The following TM2D2 variants were observed in gnomAD, a reference collection of about 807,000 sequenced individuals.
The protein encoded by TM2D2 is TM2 domain-containing protein 2.
TM2D2 carries 19 observed loss-of-function variants against 23.0 expected under a neutral mutation model. That is an observed-to-expected ratio of 0.82 (90% CI 0.58 to 1.21). TM2D2 has a LOEUF of 1.21. TM2D2 is among the 50% of genes most tolerant of loss of function. The pLI is 0.00. For missense variants in TM2D2, 246 were observed against 265.4 expected (o/e 0.93, Z 0.51); for synonymous variants, 120 against 108.8 (o/e 1.10, Z -0.64).
In TM2D2 at chr8:38,989,008, T is replaced by C. The variant is rs1477711513; in HGVS notation, c.*2324A>G. ...CTGAATAAAGTGCAAAGGCAATCAA[T>C]TGTTAAATAGTACTCCTTTAGTCCA... On this transcript the variant is annotated 3_prime_UTR_variant, in exon 4 of 4. Transcript: ENST00000456397. 6.6e-6 allele frequency: 1 copy of C among 152,234 alleles called. No homozygotes were observed. Among genetic ancestry groups the C allele is most frequent in the East Asian group, 1.9e-4 (1 of 5,196 alleles). The allele number at this position is 152,234 out of a possible 1,614,324, so 9.4% of individuals were successfully genotyped here.
In TM2D2 at chr8:38,996,274, C is replaced by T. The variant is rs749026816; in HGVS notation, c.166G>A (p.Gly56Arg). The change falls in exon 1 of 4, where the codon GGG becomes AGG. Residue 56 changes from glycine to arginine, a missense_variant. Physicochemically the swap from Gly to Arg is moderately radical, Grantham distance 125 (BLOSUM62 -2). Transcript: ENST00000456397. ...SAGAAQPEGPGGAASWEYGDP... is the reference protein window; with the variant it reads ...SAGAAQPEGPRGAASWEYGDP... ...CCATATTCCCAGCTCGCAGCACCCC[C>T]GGGGCCCTCCGGCTGGGCGGCGCCA... 5 of 1,613,920 alleles carry T rather than the reference C, an allele frequency of 3.1e-6. No individual in the cohort carries two copies. The highest frequency in any genetic ancestry group is 2.2e-5 in the East Asian group (1 of 44,904).
rs2129429813 is a variant in TM2D2 at position 38,996,275 on chromosome 8, G to A, written c.165C>T (p.Pro55=). ...CATATTCCCAGCTCGCAGCACCCCC[G>A]GGGCCCTCCGGCTGGGCGGCGCCAG... ...TSAGAAQPEG[P]GGAASWEYGD... is the part of the protein sequence containing the mutation. Residue 55 remains proline, a synonymous_variant, in exon 1 of 4, where the codon CCC becomes CCT. Transcript: ENST00000456397. 6 of 1,614,022 alleles carry A rather than the reference G, an allele frequency of 3.7e-6. No individual in the cohort carries two copies. The highest frequency in any genetic ancestry group is 4.2e-6 in the Non-Finnish European group (5 of 1,179,992).
chr8:38,996,538 G>A, upstream of TM2D2: 6 of 1,509,154 alleles, frequency 4.0e-6, no homozygotes, highest in Admixed American at 2.2e-5. Context: ...GCGTAGCCCC[G>A]CCCGCGTAGC....
In TM2D2 at chr8:38,989,765, T is replaced by G. The variant is rs2129428293; in HGVS notation, c.*1567A>C. ...ATATTATAATTTATGTTTTTTAGAC[T>G]TCCCTTAGAAATTTTTTTAAAATAT... On this transcript the variant is annotated 3_prime_UTR_variant, in exon 4 of 4. Coordinates refer to ENST00000456397, the MANE Select transcript of TM2D2 (RefSeq NM_078473.3). The G allele has an allele frequency of 6.6e-6, 1 of 152,322 alleles. No individual in the cohort carries two copies. The highest frequency in any genetic ancestry group is 2.4e-5 in the African/African-American group (1 of 41,568). 9.4% of individuals were successfully genotyped at this position (152,322 alleles called of 1,614,324 possible). A position where few individuals can be genotyped will look rare whatever the true frequency, so the allele number is the denominator to read the frequency against.
chr8:38,991,635 G>T, intron 3 of TM2D2, 90 bp from the exon 4 acceptor site: 1 of 958,574 alleles, frequency 1.0e-6, no homozygotes, highest in Non-Finnish European at 1.6e-6. Context: ...TGATGAGACA[G>T]TGCAGTGGAC....
At position 38,996,289 on chromosome 8, in the gene TM2D2, GGGCGGCGCCA is replaced by G. The variant is rs1442917159; in HGVS notation, c.141_150del (p.Gly48SerfsTer31). ...GCAGCACCCCCGGGGCCCTCCGGCT[GGGCGGCGCCA>G]GCGGATGTGAGCTCAGGCTCAGCGG... On this transcript the variant is annotated frameshift_variant, in exon 1 of 4. Coordinates refer to ENST00000456397, the MANE Select transcript of TM2D2 (RefSeq NM_078473.3). LOFTEE classifies it high-confidence loss of function. 3 of 1,613,916 alleles carry G rather than the reference GGGCGGCGCCA, an allele frequency of 1.9e-6. No homozygotes were observed. The highest frequency in any genetic ancestry group is 2.5e-6 in the Non-Finnish European group (3 of 1,180,016).
chr8:38,995,896 G>A (rs1835761662), intron 1 of TM2D2: 3 of 850,738 alleles, frequency 3.5e-6, no homozygotes, highest in African/African-American at 3.5e-5. Flanking sequence ...GCACCGAATC[G>A]ACCGACTAAT....
intron 2 of TM2D2, 159 bp from the exon 3 acceptor site, chr8:38,993,819 A>T (rs888988074): frequency 3.6e-5 from 18 of 500,214 alleles, no homozygotes; most frequent in Non-Finnish European, 6.6e-5. Flanking sequence ...GAATTTAGTG[A>T]CACACTTCTG....
At position 38,993,696 on chromosome 8, in the gene TM2D2, C is replaced by G. The variant is rs778307612; in HGVS notation, c.316-36G>C. On this transcript the variant is annotated intron_variant, in intron 2 of 3. Coordinates refer to ENST00000456397, the MANE Select transcript of TM2D2 (RefSeq NM_078473.3). Reference sequence around the variant, plus strand: ...ACAACCAAGACCAAAACCAACTCACCAGAGCAAGTGACACAAACATCTATC... The same window carrying G: ...ACAACCAAGACCAAAACCAACTCACGAGAGCAAGTGACACAAACATCTATC... 7.4e-6 allele frequency: 11 copies of G among 1,479,760 alleles called. 1 individual carries two copies. In the Middle Eastern group the frequency reaches 1.9e-3, roughly 256 times the overall value. 91.7% of individuals were successfully genotyped at this position (1,479,760 alleles called of 1,614,324 possible).
chr8:38,996,901 G>T (rs763640656), upstream of TM2D2: 2 of 1,455,210 alleles, frequency 1.4e-6, no homozygotes, highest in South Asian at 2.5e-5. Flanking sequence ...CGGACCGAGG[G>T]CTCAGTTGCG....
upstream of TM2D2, chr8:38,996,568 A>G: frequency 6.8e-7 from 1 of 1,478,818 alleles, no homozygotes; most frequent in Admixed American, 2.4e-5. Context: ...CAGCCAATGG[A>G]CGCGCAGCTC....
chr8:38,996,972 C>A, upstream of TM2D2: 1 of 1,522,172 alleles, frequency 6.6e-7, no homozygotes, highest in East Asian at 2.4e-5. Context: ...GCTTCCCGGC[C>A]AGACTTGGGG....
At chr8:38,993,726 T>C (rs1835674261) in intron 2 of TM2D2, 66 bp from the exon 3 acceptor site, 2 of 1,148,854 alleles carry the variant, frequency 1.7e-6, no homozygotes, top group Non-Finnish European at 2.6e-6. Context: ...TCTATCTTTA[T>C]ATTCACTAAT....
chr8:38,996,549 C>T, upstream of TM2D2: 3 of 1,502,266 alleles, frequency 2.0e-6, no homozygotes, highest in South Asian at 2.6e-5. Context: ...CCCGCGTAGC[C>T]CCGCCAAACA....
chr8:38,996,674 G>C (rs1357698124), upstream of TM2D2: 51 of 1,426,686 alleles, frequency 3.6e-5, no homozygotes, highest in Non-Finnish European at 4.6e-5. Context: ...TCCTCTTCTG[G>C]GTCTCATGCT....
At chr8:38,991,631 G>C in intron 3 of TM2D2, 86 bp from the exon 4 acceptor site, 1 of 1,024,218 alleles carries the variant, frequency 9.8e-7, no homozygotes, top group South Asian at 1.4e-5. Flanking sequence ...TAAGTGATGA[G>C]ACAGTGCAGT....
Position 38,991,254 on chromosome 8 carries a change from AG to A in TM2D2, c.*77del. On this transcript the variant is annotated 3_prime_UTR_variant, in exon 4 of 4. Coordinates refer to ENST00000456397, the MANE Select transcript of TM2D2 (RefSeq NM_078473.3). ...AATAACATCAGGTCTGATATCAAAG[AG>A]GAGTTTTGAGCCTGTAGAGATGAAT... The A allele has an allele frequency of 8.5e-7, 1 of 1,170,730 alleles. No homozygotes were observed. Among genetic ancestry groups the A allele is most frequent in the South Asian group, 1.3e-5 (1 of 75,840 alleles). The allele number at this position is 1,170,730 out of a possible 1,614,324, so 72.5% of individuals were successfully genotyped here.
Position 38,990,322 on chromosome 8 carries a change from A to C in TM2D2, c.*1010T>G, listed in dbSNP as rs1213888394. 3.9e-5 allele frequency: 6 copies of C among 152,238 alleles called. No homozygotes were observed. Among genetic ancestry groups the C allele is most frequent in the Non-Finnish European group, 1.5e-5 (1 of 68,042 alleles). 9.4% of individuals were successfully genotyped at this position (152,238 alleles called of 1,614,324 possible). On this transcript the variant is annotated 3_prime_UTR_variant, in exon 4 of 4. Coordinates refer to ENST00000456397, the MANE Select transcript of TM2D2 (RefSeq NM_078473.3). ...TAAAGCCTCTTCCATTGACTTGGCC[A>C]CATTGCCCACCTTTGATTTTATATT...
chr8:38,990,464 A>G lies in TM2D2; in HGVS notation c.*868T>C, dbSNP rs1372678396. ...CGGGGAATGCAGAGGTGTGGCTGTT[A>G]TCTCTTTCTGACTGCTGCAGCCCAC... On this transcript the variant is annotated 3_prime_UTR_variant, in exon 4 of 4. Transcript: ENST00000456397. 6.6e-6 allele frequency: 1 copy of G among 152,236 alleles called. No individual in the cohort carries two copies. Among genetic ancestry groups the G allele is most frequent in the Admixed American group, 6.5e-5 (1 of 15,290 alleles). The allele number at this position is 152,236 out of a possible 1,614,324, so 9.4% of individuals were successfully genotyped here. A position where few individuals can be genotyped will look rare whatever the true frequency, so the allele number is the denominator to read the frequency against.
Sources: gnomAD v4.1 joint callset for allele counts on GRCh38, gnomAD v4.1.1 for gene constraint, MANE v1.5 for transcripts, NCBI Gene and HGNC (gene_info 2026-07-23, HGNC 2026-07-21) for gene names.